ATP11B: variants seen among roughly 807,000 people sequenced by gnomAD.
The protein encoded by ATP11B is ATPase phospholipid transporting 11B (putative).
ATP11B carries 81 observed loss-of-function variants against 157.8 expected under a neutral mutation model. The observed-to-expected ratio is 0.51, with a 90% CI of 0.43 to 0.62. The LOEUF is 0.62. ATP11B is among the 20% of genes least tolerant of loss of function. The pLI is 0.00. For missense variants in ATP11B, 1,165 were observed against 1,402.2 expected, an observed-to-expected ratio of 0.83 and a Z score of 2.70; for synonymous variants, 451 against 469.4, an observed-to-expected ratio of 0.96 and a Z score of 0.51.
intron 1 of ATP11B, among the ~76,000 whole-genome samples, chr3:182,815,134 T>C (rs896707606): frequency 6.6e-6 from 1 of 152,086 alleles, no homozygotes; most frequent in African/African-American, 2.4e-5. Flanking sequence ...CTTGAAAAAA[T>C]CCAGTCCCAA....
intron 10 of ATP11B, among the ~76,000 whole-genome samples, 153 bp from the exon 11 acceptor site, chr3:182,857,709 AATTCTATTTAACGGTT>A (rs1720516883): frequency 6.6e-6 from 1 of 152,196 alleles, no homozygotes; most frequent in Admixed American, 6.5e-5. Context: ...CTAATAAATA[AATTCTATTTAACGGTT>A]ATTTCTTGAA....
intron 25 of ATP11B, among the ~76,000 whole-genome samples, chr3:182,891,390 CT>C (rs1214332050): frequency 2.0e-5 from 3 of 152,112 alleles, no homozygotes; most frequent in Admixed American, 2.0e-4. Flanking sequence ...CATGGTGGCC[CT>C]CTACCCAGAT....
chr3:182,822,189 T>TA (rs1219047594), intron 2 of ATP11B, among the ~76,000 whole-genome samples: 1 of 152,068 alleles, frequency 6.6e-6, no homozygotes, highest in Admixed American at 6.5e-5. Flanking sequence ...TACATATGTA[T>TA]ACATGTGCCA....
intron 9 of ATP11B, 70 bp downstream of exon 9, chr3:182,845,592 T>C (rs1719450201): frequency 3.2e-6 from 3 of 943,496 alleles, no homozygotes; most frequent in Non-Finnish European, 4.6e-6. Context: ...CTTTTAAAAG[T>C]ACAATGTGGT....
At chr3:182,912,842 T>C (rs1425249396) in intron 28 of ATP11B, among the ~76,000 whole-genome samples, 1 of 152,136 alleles carries the variant, frequency 6.6e-6, no homozygotes, top group African/African-American at 2.4e-5. Context: ...TCCTTCTCTA[T>C]CCTCAAAAGA....
intron 19 of ATP11B, among the ~76,000 whole-genome samples, chr3:182,875,395 A>T (rs1291586169): frequency 6.6e-6 from 1 of 152,146 alleles, no homozygotes; most frequent in Non-Finnish European, 1.5e-5. Context: ...GAGATATTTT[A>T]AAAAGACCAT....
Position 182,898,394 on chromosome 3 carries a change from C to A in ATP11B, c.3153-213C>A, listed in dbSNP as rs572666032. On this transcript the variant is annotated intron_variant, in intron 27 of 29. Coordinates refer to ENST00000323116, the MANE Select transcript of ATP11B (RefSeq NM_014616.3). ...TAAGATAGGGTTATCTGGTCAACTG[C>A]TTGCCATTTTCCTAATAAAAACTAT... Among the ~76,000 whole-genome samples, 4 of 152,214 alleles carry A rather than the reference C, an allele frequency of 2.6e-5. No individual in the cohort carries two copies. In the South Asian group the frequency reaches 8.3e-4, roughly 32 times the overall value.
chr3:182,850,830 A>G (rs1246548837), intron 10 of ATP11B, among the ~76,000 whole-genome samples: 1 of 152,248 alleles, frequency 6.6e-6, no homozygotes, highest in Non-Finnish European at 1.5e-5. Context: ...TAAGGATTCA[A>G]TCTAACGGTC....
At chr3:182,887,491 A>T in intron 23 of ATP11B, 95 bp from the exon 24 acceptor site, 1 of 1,073,114 alleles carries the variant, frequency 9.3e-7, no homozygotes. Context: ...AAATTTTTAA[A>T]ACTTTAATTT....
chr3:182,869,211 A>AT lies in ATP11B; in HGVS notation c.1763-9dup, dbSNP rs752443681. The AT allele has an allele frequency of 3.9e-5, 62 of 1,595,832 alleles. No homozygotes were observed. Among genetic ancestry groups the AT allele is most frequent in the African/African-American group, 6.7e-5 (5 of 74,114 alleles). ...TGTAATATTAAGAGTCTGATAACTC[A>AT]TTTTTTTTGTCTCTAGGTGAGAAGT... On this transcript the variant is annotated splice_polypyrimidine_tract_variant and intron_variant, in intron 16 of 29. Transcript: ENST00000323116.
Position 182,836,396 on chromosome 3 carries a change from C to T in ATP11B, c.478C>T (p.Leu160Phe). Residue 160 changes from leucine (L) to phenylalanine (F), a missense_variant, in exon 6 of 30, where the codon CTT becomes TTT. Physicochemically the swap from Leu to Phe is conservative, Grantham distance 22 (BLOSUM62 0). Coordinates refer to ENST00000323116, the MANE Select transcript of ATP11B (RefSeq NM_014616.3). Reference protein sequence around the residue: ...KDEIFPADLVLLSSDRLDGSC... With the variant: ...KDEIFPADLVFLSSDRLDGSC... ...TGAAATTTTTCCTGCAGACTTGGTG[C>T]TTCTGTCCTCAGATCGACTGGATGG... The T allele has an allele frequency of 6.2e-7, 1 of 1,613,922 alleles. No individual in the cohort carries two copies. The highest frequency in any genetic ancestry group is 8.5e-7 in the Non-Finnish European group (1 of 1,179,820).
At chr3:182,833,797 GGAA>G (rs904148852) in intron 4 of ATP11B, 67 of 152,324 alleles carry the variant, frequency 4.4e-4, no homozygotes, top group African/African-American at 1.4e-3. Flanking sequence ...TGACAGTTGA[GGAA>G]GAAGATGAGG....
At chr3:182,807,163 T>C (rs1716375973) in intron 1 of ATP11B, among the ~76,000 whole-genome samples, 1 of 152,170 alleles carries the variant, frequency 6.6e-6, no homozygotes, top group Non-Finnish European at 1.5e-5. Context: ...TAGAGAGTTT[T>C]TCCAGGGAGT....
At chr3:182,885,685 A>G (rs1450999850) in intron 22 of ATP11B, among the ~76,000 whole-genome samples, 1 of 152,122 alleles carries the variant, frequency 6.6e-6, no homozygotes, top group East Asian at 1.9e-4. Context: ...AAGGTTGTAA[A>G]TTCAAAATTA....
intron 17 of ATP11B, among the ~76,000 whole-genome samples, chr3:182,869,804 G>A (rs918492827): frequency 4.6e-5 from 7 of 152,140 alleles, no homozygotes; most frequent in South Asian, 2.1e-4. Context: ...TCTTATACAC[G>A]AAATGTTCAT....
At chr3:182,890,212 GCTTAACTAAAT>G (rs1050522040) in intron 25 of ATP11B, among the ~76,000 whole-genome samples, 3 of 152,154 alleles carry the variant, frequency 2.0e-5, no homozygotes, top group Non-Finnish European at 4.4e-5. Context: ...CTCTTTCGGG[GCTTAACTAAAT>G]GGGTTAGGAA....
chr3:182,894,703 C>A (rs945965918), intron 25 of ATP11B, among the ~76,000 whole-genome samples: 2 of 152,146 alleles, frequency 1.3e-5, no homozygotes, highest in African/African-American at 4.8e-5. Flanking sequence ...CAAGAGGAAG[C>A]CCTAAATCCT....
At chr3:182,835,061 C>T (rs1287998212) in intron 4 of ATP11B, among the ~76,000 whole-genome samples, 1 of 152,048 alleles carries the variant, frequency 6.6e-6, no homozygotes, top group East Asian at 1.9e-4. Context: ...GGTCTTCATC[C>T]TTGTCTTCAC....
intron 10 of ATP11B, among the ~76,000 whole-genome samples, chr3:182,852,213 A>G (rs979085362): frequency 6.6e-6 from 1 of 152,260 alleles, no homozygotes; most frequent in African/African-American, 2.4e-5. Flanking sequence ...AAATTTCTTC[A>G]AATAGAATGG....
Sources: allele counts gnomAD v4.1 joint callset (sites outside exome capture counted in the v4.1 genomes callset), GRCh38; gene constraint gnomAD v4.1.1; transcripts MANE v1.5; gene names NCBI Gene and HGNC (gene_info 2026-07-23, HGNC 2026-07-21).